NPY5R: variants seen among roughly 807,000 people sequenced by gnomAD.
NPY5R encodes neuropeptide Y receptor type 5.
NPY5R carries 21 observed loss-of-function variants against 24.8 expected under a neutral mutation model. That is an observed-to-expected ratio of 0.85 (90% CI 0.60 to 1.22). NPY5R has a LOEUF of 1.22. Ranked by LOEUF, NPY5R falls within the 50% of genes most tolerant of loss-of-function variation. The pLI is 0.00. For synonymous variants in NPY5R, 175 were observed against 183.0 expected, an observed-to-expected ratio of 0.96 and a Z score of 0.35; for missense variants, 481 against 521.3, an observed-to-expected ratio of 0.92 and a Z score of 0.75.
chr4:163,344,291 G>A (rs1735113750), intron 1 of NPY5R: 1 of 152,348 alleles, frequency 6.6e-6, no homozygotes, highest in Non-Finnish European at 1.5e-5. Context: ...AGGTCCCTCC[G>A]GTTCCCAACT....
chr4:163,348,614 C>A (rs1420587273), intron 3 of NPY5R, among the ~76,000 whole-genome samples: 1 of 151,230 alleles, frequency 6.6e-6, no homozygotes, highest in African/African-American at 2.4e-5. Flanking sequence ...TACTGCACCC[C>A]AGCCTGGGCA....
intron 3 of NPY5R, among the ~76,000 whole-genome samples, chr4:163,349,672 T>C (rs1355897762): frequency 6.6e-6 from 1 of 152,264 alleles, no homozygotes; most frequent in East Asian, 1.9e-4. Flanking sequence ...TGCCTTTTTC[T>C]TTCCTTACGT....
In NPY5R at chr4:163,351,228, G is replaced by A; in HGVS notation, c.955G>A (p.Val319Ile). The part of the protein sequence containing the change: ...SRILPENFGS[V>I]RSQLSSSSKF... ...AATACTTCCAGAAAACTTTGGCTCT[G>A]TAAGAAGTCAGCTCTCTTCATCCAG... The change falls in exon 4 of 4, where the codon GTA (valine) becomes ATA (isoleucine). Residue 319 changes from valine to isoleucine, a missense_variant. Physicochemically the swap from Val to Ile is conservative, Grantham distance 29. Transcript: ENST00000338566. 6.2e-7 allele frequency: 1 copy of A among 1,614,154 alleles called. No homozygotes were observed. Among genetic ancestry groups the A allele is most frequent in the East Asian group, 2.2e-5 (1 of 44,870 alleles).
chr4:163,344,703 T>C (rs917915310), intron 1 of NPY5R: 3 of 152,270 alleles, frequency 2.0e-5, no homozygotes, highest in Non-Finnish European at 4.4e-5. Flanking sequence ...TTTTTCCAAG[T>C]TCACAGACCT....
chr4:163,351,514 G>A lies in NPY5R; in HGVS notation c.1241G>A (p.Gly414Asp). 1.2e-6 allele frequency: 2 copies of A among 1,613,188 alleles called. No homozygotes were observed. The highest frequency in any genetic ancestry group is 1.7e-6 in the Non-Finnish European group (2 of 1,179,268). ...KLVYCICHLL[G>D]MMSCCLNPIL... ...GTGTATTGCATTTGTCATTTGTTGG[G>A]CATGATGTCCTGTTGTCTTAATCCA... Residue 414 changes from glycine (G) to aspartate (D), a missense_variant, in exon 4 of 4, where the codon GGC becomes GAC. Transcript: ENST00000338566.
In NPY5R at chr4:163,351,443, A is replaced by T; in HGVS notation, c.1170A>T (p.Val390=). The change falls in exon 4 of 4, where the codon GTA becomes GTT. Residue 390 remains valine (V), a synonymous_variant. Coordinates refer to ENST00000338566, the MANE Select transcript of NPY5R (RefSeq NM_006174.4). ...SWMPLHLFHV[V]TDFNDNLISN... The stretch of plus-strand genomic sequence containing the variant: ...TGCCACTACACCTTTTCCATGTGGT[A>T]ACTGATTTTAATGACAATCTTATTT... The T allele has an allele frequency of 6.2e-7, 1 of 1,613,822 alleles. No homozygotes were observed.
Position 163,351,558 on chromosome 4 carries a change from A to T in NPY5R, c.1285A>T (p.Asn429Tyr), listed in dbSNP as rs1308113148. Residue 429 changes from asparagine (N) to tyrosine (Y), a missense_variant, in exon 4 of 4, where the codon AAT (asparagine) becomes TAT (tyrosine). By Grantham distance (143) the Asn-to-Tyr change is moderately radical. Transcript: ENST00000338566. Reference sequence around the variant, plus strand: ...TAATCCAATTCTATATGGGTTTCTTAATAATGGGATTAAAGCTGATTTAGT... The same window carrying T: ...TAATCCAATTCTATATGGGTTTCTTTATAATGGGATTAAAGCTGATTTAGT... Reference protein sequence around the residue: ...CLNPILYGFLNNGIKADLVSL... With the variant: ...CLNPILYGFLYNGIKADLVSL... The T allele has an allele frequency of 9.3e-6, 15 of 1,609,412 alleles. No homozygotes were observed. Among genetic ancestry groups the T allele is most frequent in the Non-Finnish European group, 1.3e-5 (15 of 1,175,864 alleles).
intron 3 of NPY5R, 42 bp from the exon 4 acceptor site, chr4:163,350,223 T>A (rs962798022): frequency 1.4e-6 from 2 of 1,458,124 alleles, no homozygotes; most frequent in Non-Finnish European, 1.8e-6. Flanking sequence ...AGTCATGTAA[T>A]GTTTTTTTGG....
chr4:163,345,600 T>C (rs1307275016), intron 1 of NPY5R, 114 bp from the exon 2 acceptor site: 1 of 152,218 alleles, frequency 6.6e-6, no homozygotes, highest in African/African-American at 2.4e-5. Context: ...ATAATTTATA[T>C]AGCAATTTCA....
At chr4:163,348,040 G>T (rs1303943841) in intron 3 of NPY5R, among the ~76,000 whole-genome samples, 1 of 152,152 alleles carries the variant, frequency 6.6e-6, no homozygotes, top group Non-Finnish European at 1.5e-5. Context: ...TGTAATGAAT[G>T]TATGTACACA....
rs987157395 is a variant in NPY5R, at chr4:163,350,808, A to C, written c.535A>C (p.Ser179Arg). ...AICSPLPVFH[S>R]LVELQETFGS... is the part of the protein sequence containing the mutation. ...CTGTTCTCCCCTTCCAGTGTTTCAC[A>C]GTCTTGTGGAACTTCAAGAAACATT... The change falls in exon 4 of 4, where the codon AGT (serine) becomes CGT (arginine). Residue 179 changes from serine (S) to arginine (R), a missense_variant. Physicochemically the swap from Ser to Arg is moderately radical, Grantham distance 110. Transcript: ENST00000338566. 5.6e-6 allele frequency: 9 copies of C among 1,614,034 alleles called. No homozygotes were observed. The African/African-American group carries it at 9.3e-5, about 17-fold the overall frequency.
At chr4:163,348,793 C>T (rs552626280) in intron 3 of NPY5R, among the ~76,000 whole-genome samples, 20 of 151,390 alleles carry the variant, frequency 1.3e-4, no homozygotes, top group South Asian at 2.1e-4. Context: ...GAGGTAAATA[C>T]GTAATGCCAT....
chr4:163,351,265 C>A lies in NPY5R; in HGVS notation c.992C>A (p.Pro331Gln), dbSNP rs369457022. 25 of 1,613,932 alleles carry A rather than the reference C, an allele frequency of 1.5e-5. No individual in the cohort carries two copies. In the African/African-American group the frequency reaches 3.1e-4, roughly 20 times the overall value. ...CTCTCTTCATCCAGTAAGTTCATAC[C>A]AGGGGTCCCCACTTGCTTTGAGATA... The part of the protein sequence containing the change: ...SQLSSSSKFI[P>Q]GVPTCFEIKP... The change falls in exon 4 of 4, where the codon CCA (proline) becomes CAA (glutamine). Residue 331 changes from proline (P) to glutamine (Q), a missense_variant. Pro to Gln is a moderately conservative substitution (Grantham distance 76, BLOSUM62 -1). Transcript: ENST00000338566.
At chr4:163,350,068 C>T (rs1199928057) in intron 3 of NPY5R, among the ~76,000 whole-genome samples, 197 bp from the exon 4 acceptor site, 2 of 137,208 alleles carry the variant, frequency 1.5e-5, no homozygotes, top group Admixed American at 1.6e-4. Context: ...GGCGCCACTG[C>T]ACTCCAGCCT....
chr4:163,346,361 A>G (rs1735250210), intron 2 of NPY5R, among the ~76,000 whole-genome samples: 1 of 152,156 alleles, frequency 6.6e-6, no homozygotes, highest in African/African-American at 2.4e-5. Context: ...AGCAATCTAC[A>G]GTTACTCAGG....
rs1184303438 is a variant in NPY5R, at chr4:163,351,599, T to C, written c.1326T>C (p.Cys442=). The change falls in exon 4 of 4, where the codon TGT becomes TGC. Residue 442 remains cysteine, a synonymous_variant. Coordinates refer to ENST00000338566, the MANE Select transcript of NPY5R (RefSeq NM_006174.4). The stretch of plus-strand genomic sequence containing the variant: ...CTGATTTAGTGTCCCTTATACACTG[T>C]CTTCATATGTAATAATTCTCACTGT... ...IKADLVSLIH[C]LHM The C allele has an allele frequency of 6.3e-7, 1 of 1,598,464 alleles. No homozygotes were observed. The highest frequency in any genetic ancestry group is 1.1e-5 in the South Asian group (1 of 89,846).
At position 163,348,662 on chromosome 4, in the gene NPY5R, TA is replaced by T. The variant is rs71600608; in HGVS notation, c.-10+1154del. On this transcript the variant is annotated intron_variant, in intron 3 of 3. Transcript: ENST00000338566. ...CCTTTTTCTAAGAAAAATAAAAAGG[TA>T]AAAAAAAAAAAAAGTCCTTTTTTTT... Among the ~76,000 whole-genome samples, 924 of 124,452 alleles carry T rather than the reference TA, an allele frequency of 7.4e-3. 6 individuals are homozygous for T. Among genetic ancestry groups the T allele is most frequent in the Middle Eastern group, 0.012 (3 of 244 alleles). 81.6% of individuals were successfully genotyped at this position (124,452 alleles called of 152,430 possible).
In NPY5R at chr4:163,350,259, AAGC is replaced by A; in HGVS notation, c.-9-3_-9-1del. ...TTGCTGACAAATGTCTTTTTATTCC[AAGC>A]AGGACTATAATATGGATTTAGAGCT... On this transcript the variant is annotated splice_polypyrimidine_tract_variant and splice_region_variant and intron_variant, in intron 3 of 3. Transcript: ENST00000338566. 6.6e-7 allele frequency: 1 copy of A among 1,523,922 alleles called. No homozygotes were observed. Among genetic ancestry groups the A allele is most frequent in the Non-Finnish European group, 8.8e-7 (1 of 1,137,206 alleles). The allele number at this position is 1,523,922 out of a possible 1,614,324, so 94.4% of individuals were successfully genotyped here. A position where few individuals can be genotyped will look rare whatever the true frequency, so the allele number is the denominator to read the frequency against.
chr4:163,348,401 G>A (rs768821737), intron 3 of NPY5R, among the ~76,000 whole-genome samples: 2 of 152,102 alleles, frequency 1.3e-5, no homozygotes, highest in Non-Finnish European at 2.9e-5. Context: ...GGCCAAGGTG[G>A]GAGGTTTACT....
Sources: gnomAD v4.1 joint callset for allele counts (sites outside exome capture counted in the v4.1 genomes callset) on GRCh38, gnomAD v4.1.1 for gene constraint, MANE v1.5 for transcripts, NCBI Gene and HGNC (gene_info 2026-07-23, HGNC 2026-07-21) for gene names.